Variants in EXTL3 observed in about 807,000 individuals in gnomAD.
EXTL3 encodes exostosin-like 3.
In EXTL3, 27 loss-of-function variants were observed where a neutral mutation model predicts 69.3. The observed-to-expected ratio is 0.39, with a 90% CI of 0.29 to 0.54. The LOEUF is 0.54. Ranked by LOEUF, EXTL3 falls within the 20% of genes least tolerant of loss-of-function variation. The pLI is 0.69. For missense variants in EXTL3, 1,003 were observed against 1,231.8 expected (o/e 0.81, Z 2.78); for synonymous variants, 511 against 499.4 (o/e 1.02, Z -0.31).
At chr8:28,730,665 T>A (rs1801516267) in intron 3 of EXTL3, among the ~76,000 whole-genome samples, 1 of 152,204 alleles carries the variant, frequency 6.6e-6, no homozygotes, top group African/African-American at 2.4e-5. Context: ...ACATGATACC[T>A]TGAAAAGAAG....
chr8:28,661,843 C>T (rs1402697643), intron 1 of EXTL3, among the ~76,000 whole-genome samples: 1 of 151,548 alleles, frequency 6.6e-6, no homozygotes, highest in East Asian at 1.9e-4. Context: ...CAAGGTTGCG[C>T]CACTGCACTC....
At position 28,731,263 on chromosome 8, in the gene EXTL3, T is replaced by C; in HGVS notation, c.2189T>C (p.Leu730Ser). The change falls in exon 4 of 7, where the codon TTA becomes TCA. Residue 730 changes from leucine to serine, a missense_variant. By Grantham distance (145) the Leu-to-Ser change is moderately radical (BLOSUM62 -2). This residue lies in a region of EXTL3 where 261 missense variants were observed against 416.4 expected (regional missense o/e 0.63). Transcript: ENST00000220562. ...AAGAACAGTTTGAACAACCGATTCT[T>C]ACCCTGGAATGAAATTGAGACAGAG... ...TEKNSLNNRF[L>S]PWNEIETEAI... is the part of the protein sequence containing the mutation. The C allele has an allele frequency of 6.2e-7, 1 of 1,614,170 alleles. No homozygotes were observed. The highest frequency in any genetic ancestry group is 8.5e-7 in the Non-Finnish European group (1 of 1,179,996).
chr8:28,725,387 A>G (rs1801392003), intron 3 of EXTL3, among the ~76,000 whole-genome samples: 1 of 152,064 alleles, frequency 6.6e-6, no homozygotes, highest in Admixed American at 6.5e-5. Flanking sequence ...TCCTGGCTTG[A>G]TGGAGGTGGA....
chr8:28,645,279 C>A (rs1310999301), intron 1 of EXTL3, among the ~76,000 whole-genome samples: 1 of 152,200 alleles, frequency 6.6e-6, no homozygotes, highest in Non-Finnish European at 1.5e-5. Flanking sequence ...AGCAAGTCTA[C>A]TTCTGGAAAT....
At chr8:28,627,026 C>CA in intron 1 of EXTL3, among the ~76,000 whole-genome samples, 1 of 151,450 alleles carries the variant, frequency 6.6e-6, no homozygotes, top group African/African-American at 2.4e-5. Flanking sequence ...ACTAAAAATA[C>CA]AAAAAATTAG....
At chr8:28,726,560 G>A (rs536141778) in intron 3 of EXTL3, among the ~76,000 whole-genome samples, 1 of 152,266 alleles carries the variant, frequency 6.6e-6, no homozygotes, top group East Asian at 1.9e-4. Context: ...GGGTGTTTCA[G>A]CAGTGGCACA....
intron 1 of EXTL3, among the ~76,000 whole-genome samples, chr8:28,703,553 G>A (rs559908845): frequency 4.3e-4 from 65 of 152,264 alleles, no homozygotes; most frequent in Middle Eastern, 3.4e-3. Context: ...GGATTGGAGG[G>A]TTATGGGTGA....
intron 1 of EXTL3, among the ~76,000 whole-genome samples, chr8:28,683,327 A>G (rs1181210127): frequency 6.6e-6 from 1 of 151,806 alleles, no homozygotes; most frequent in Non-Finnish European, 1.5e-5. Flanking sequence ...GAATCTGTAG[A>G]TCACTTTAGT....
chr8:28,666,920 C>G (rs1807206378), intron 1 of EXTL3, among the ~76,000 whole-genome samples: 2 of 152,176 alleles, frequency 1.3e-5, no homozygotes, highest in South Asian at 4.1e-4. Context: ...TCTCCTCCTG[C>G]CTTCGACTCC....
rs1801533273 is a variant in EXTL3, at chr8:28,731,300, C to G, written c.2226C>G (p.Ser742=). ...WNEIETEAIL[S]IDDDAHLRHD... is the part of the protein sequence containing the mutation. ...AAATTGAGACAGAGGCCATCCTGTC[C>G]ATTGATGACGATGCTCACCTCCGCC... Residue 742 remains serine, a synonymous_variant, in exon 4 of 7, where the codon TCC becomes TCG. Coordinates refer to ENST00000220562, the MANE Select transcript of EXTL3 (RefSeq NM_001440.4). The G allele has an allele frequency of 6.2e-7, 1 of 1,614,132 alleles. No homozygotes were observed. The highest frequency in any genetic ancestry group is 8.5e-7 in the Non-Finnish European group (1 of 1,179,988).
Position 28,615,412 on chromosome 8 carries a change from C to A in EXTL3, n.314+7654C>A, listed in dbSNP as rs1014733018. 4.6e-5 allele frequency among the ~76,000 whole-genome samples: 7 copies of A among 152,110 alleles called. 1 individual carries two copies. In the South Asian group the frequency reaches 8.3e-4, roughly 18 times the overall value. ...TCTGCAGGTCTATCAGTTTTTGCCT[C>A]ATCTATTTTGATGCTGTTGTTAGGC... On this transcript the variant is annotated intron_variant and non_coding_transcript_variant, in intron 2 of 4. Transcript: ENST00000522725.
At chr8:28,633,444 G>A (rs183248962) in intron 1 of EXTL3, among the ~76,000 whole-genome samples, 33 of 152,134 alleles carry the variant, frequency 2.2e-4, no homozygotes, top group Non-Finnish European at 4.0e-4. Flanking sequence ...GAGACCAGGA[G>A]TTTGAGACCA....
chr8:28,710,655 C>G (rs1003225259), intron 1 of EXTL3, among the ~76,000 whole-genome samples: 1 of 148,998 alleles, frequency 6.7e-6, no homozygotes, highest in Non-Finnish European at 1.5e-5. Flanking sequence ...CTCTGTCACC[C>G]AGGTGTGATC....
chr8:28,717,872 A>C lies in EXTL3; in HGVS notation c.1813A>C (p.Asn605His). 1 of 1,613,728 alleles carries C rather than the reference A, an allele frequency of 6.2e-7. No individual in the cohort carries two copies. Among genetic ancestry groups the C allele is most frequent in the Non-Finnish European group, 8.5e-7 (1 of 1,179,658 alleles). Residue 605 changes from asparagine to histidine, a missense_variant, in exon 3 of 7, where the codon AAC becomes CAC. Asn to His is a moderately conservative substitution (Grantham distance 68). Transcript: ENST00000220562. The surrounding 1 kb of genome is among the most constrained non-coding windows in gnomAD (Gnocchi z 8.3). Reference protein sequence around the residue: ...LTVTDFYRSWNCAPGPFHLFP... With the variant: ...LTVTDFYRSWHCAPGPFHLFP... ...TGTCACTGACTTTTACCGCAGCTGG[A>C]ACTGTGCTCCAGGGCCTTTCCATCT...
At chr8:28,613,825 C>T (rs1806299204) in intron 2 of EXTL3, among the ~76,000 whole-genome samples, 1 of 150,772 alleles carries the variant, frequency 6.6e-6, no homozygotes, top group South Asian at 2.1e-4. Context: ...CTTTTTTAGC[C>T]TATTAGCCTA....
At chr8:28,609,942 G>A (rs1228911796) in intron 2 of EXTL3, among the ~76,000 whole-genome samples, 5 of 149,376 alleles carry the variant, frequency 3.3e-5, no homozygotes. Context: ...GTTCATGCCT[G>A]TAATCAATCC....
At position 28,645,469 on chromosome 8, in the gene EXTL3, A is replaced by G. The variant is rs542268460; in HGVS notation, c.-53+22659A>G. On this transcript the variant is annotated intron_variant, in intron 1 of 6. Coordinates refer to the EXTL3 transcript ENST00000523149. ...ATACTGACACAGATATTTATGATTTATTAATTGGAAAACCTGAGCTATAAT... is the reference window on the plus strand; with the variant it reads ...ATACTGACACAGATATTTATGATTTGTTAATTGGAAAACCTGAGCTATAAT... 2.8e-4 allele frequency among the ~76,000 whole-genome samples: 43 copies of G among 152,250 alleles called. 1 individual carries two copies. The highest frequency in any genetic ancestry group is 3.2e-3 in the Middle Eastern group (1 of 316).
chr8:28,636,110 C>A (rs937711822), intron 1 of EXTL3, among the ~76,000 whole-genome samples: 2 of 151,978 alleles, frequency 1.3e-5, no homozygotes, highest in Non-Finnish European at 2.9e-5. Flanking sequence ...GCGGGTAGAT[C>A]ACATGAGGTC....
intron 1 of EXTL3, among the ~76,000 whole-genome samples, chr8:28,668,417 C>T (rs1430403981): frequency 3.3e-5 from 5 of 149,568 alleles, no homozygotes; most frequent in Admixed American, 6.7e-5. Flanking sequence ...CTGCAACCTC[C>T]GCGTCCCAGG....
Sources: allele counts gnomAD v4.1 joint callset (sites outside exome capture counted in the v4.1 genomes callset), GRCh38; gene constraint gnomAD v4.1.1; regional missense constraint gnomAD v4.1.1; non-coding constraint Gnocchi (gnomAD v3.1); transcripts MANE v1.5; gene names NCBI Gene and HGNC (gene_info 2026-07-23, HGNC 2026-07-21).